Variants in VAV3 observed in about 807,000 individuals in gnomAD.
The protein encoded by VAV3 is vav guanine nucleotide exchange factor 3, also known as guanine nucleotide exchange factor VAV3.
VAV3 carries 94 observed loss-of-function variants against 131.2 expected under a neutral mutation model. That is an observed-to-expected ratio of 0.72 (90% CI 0.61 to 0.85). The LOEUF is 0.85. Among genes scored for constraint, VAV3 ranks in the 40% least tolerant of loss-of-function variants. The pLI is 0.00. For missense variants in VAV3, 939 were observed against 1,002.7 expected, an observed-to-expected ratio of 0.94 and a Z score of 0.86; for synonymous variants, 349 against 342.0, an observed-to-expected ratio of 1.02 and a Z score of -0.22.
At chr1:107,633,796 A>G (rs1654696592) in intron 20 of VAV3, among the ~76,000 whole-genome samples, 1 of 152,122 alleles carries the variant, frequency 6.6e-6, no homozygotes, top group Non-Finnish European at 1.5e-5. Context: ...GCTGTGAGGA[A>G]GATAAGGAAC....
At chr1:107,639,345 A>G (rs1428156666) in intron 20 of VAV3, among the ~76,000 whole-genome samples, 3 of 151,990 alleles carry the variant, frequency 2.0e-5, no homozygotes, top group Non-Finnish European at 4.4e-5. Flanking sequence ...TCAAAGGTAA[A>G]AACTTCTGTT....
intron 20 of VAV3, among the ~76,000 whole-genome samples, chr1:107,640,279 C>T (rs1655247286): frequency 1.3e-5 from 2 of 152,112 alleles, no homozygotes; most frequent in Admixed American, 1.3e-4. Flanking sequence ...GAACGATAAT[C>T]AGCGATAAAA....
chr1:107,627,873 G>A (rs1218682657), intron 20 of VAV3, among the ~76,000 whole-genome samples: 2 of 152,148 alleles, frequency 1.3e-5, no homozygotes, highest in Non-Finnish European at 2.9e-5. Context: ...ACCTTATGGA[G>A]ATCACAACTC....
At chr1:107,747,074 A>G (rs1339370045) in intron 15 of VAV3, among the ~76,000 whole-genome samples, 1 of 152,032 alleles carries the variant, frequency 6.6e-6, no homozygotes, top group Non-Finnish European at 1.5e-5. Context: ...GAGATGGGGT[A>G]TCACTATGTT....
At chr1:107,642,164 A>C (rs1157040777) in intron 20 of VAV3, among the ~76,000 whole-genome samples, 3 of 152,132 alleles carry the variant, frequency 2.0e-5, no homozygotes, top group East Asian at 1.9e-4. Context: ...CTGACAATTA[A>C]GGCATTCTAA....
At chr1:107,787,165 G>A (rs759764590) in intron 2 of VAV3, among the ~76,000 whole-genome samples, 11 of 152,132 alleles carry the variant, frequency 7.2e-5, no homozygotes, top group Non-Finnish European at 1.0e-4. Context: ...ACAACTAATA[G>A]TAGCAGGGTT....
intron 1 of VAV3, among the ~76,000 whole-genome samples, chr1:107,907,890 A>G (rs866027259): frequency 2.0e-4 from 30 of 152,324 alleles, no homozygotes; most frequent in African/African-American, 7.2e-4. Context: ...ACAAACATAG[A>G]CAGTAACAGA....
At chr1:107,817,396 G>A (rs982721449) in intron 2 of VAV3, among the ~76,000 whole-genome samples, 1 of 152,024 alleles carries the variant, frequency 6.6e-6, no homozygotes, top group African/African-American at 2.4e-5. Context: ...ATCAACCACA[G>A]CAAGGCTGAG....
At position 107,585,360 on chromosome 1, in the gene VAV3, G is replaced by GT. The variant is rs201349042; in HGVS notation, c.2350+10851dup. On this transcript the variant is annotated intron_variant, in intron 25 of 26. Transcript: ENST00000370056. ...GCCTACTCTGTCATCTATTTTCATG[G>GT]TTTTTTTTATTATAATACAGAAACT... Among the ~76,000 whole-genome samples the GT allele has an allele frequency of 6.7e-3, 1,021 of 151,914 alleles. 11 individuals carry two copies. Among genetic ancestry groups the GT allele is most frequent in the African/African-American group, 0.022 (901 of 41,424 alleles).
chr1:107,866,474 TCCCA>T (rs1461426023), intron 2 of VAV3, among the ~76,000 whole-genome samples: 6 of 151,970 alleles, frequency 3.9e-5, no homozygotes, highest in African/African-American at 1.5e-4. Flanking sequence ...ATTTCAATAA[TCCCA>T]GTGATGAGTA....
In VAV3 at chr1:107,837,461, C is replaced by T. The variant is rs374408802; in HGVS notation, c.321+37440G>A. ...AGTATCATTAAAATGGCCATACTGT[C>T]CAAAGCAATTTACAGATTCAACACT... On this transcript the variant is annotated intron_variant, in intron 2 of 26. Coordinates refer to ENST00000370056, the MANE Select transcript of VAV3 (RefSeq NM_006113.5). Among the ~76,000 whole-genome samples, 136 of 152,190 alleles carry T rather than the reference C, an allele frequency of 8.9e-4. 1 individual carries two copies. Among genetic ancestry groups the T allele is most frequent in the African/African-American group, 3.3e-3 (136 of 41,544 alleles).
At chr1:107,594,572 C>T (rs1651221642) in intron 25 of VAV3, among the ~76,000 whole-genome samples, 1 of 152,024 alleles carries the variant, frequency 6.6e-6, no homozygotes, top group Admixed American at 6.6e-5. Context: ...TATTCAAAGA[C>T]ATTCTACTGG....
chr1:107,728,654 G>GTATATGTATA (rs1240215320), intron 15 of VAV3, among the ~76,000 whole-genome samples: 1 of 68,650 alleles, frequency 1.5e-5, no homozygotes, highest in South Asian at 6.0e-4. Context: ...TATATGTATT[G>GTATATGTATA]TGTAAAACCG....
At chr1:107,959,534 G>T (rs888518577) in intron 1 of VAV3, among the ~76,000 whole-genome samples, 1 of 151,878 alleles carries the variant, frequency 6.6e-6, no homozygotes, top group African/African-American at 2.4e-5. Flanking sequence ...ACATGTCATC[G>T]CTCCTCCCAA....
intron 25 of VAV3, among the ~76,000 whole-genome samples, chr1:107,584,339 T>C (rs564108587): frequency 2.0e-5 from 3 of 152,270 alleles, no homozygotes; most frequent in African/African-American, 7.2e-5. Context: ...ATTCAGGACA[T>C]AGGCATGGGC....
chr1:107,635,217 A>G (rs1654823201), intron 20 of VAV3, among the ~76,000 whole-genome samples: 1 of 152,108 alleles, frequency 6.6e-6, no homozygotes. Flanking sequence ...CTTGGAACCA[A>G]CCCAAATGTC....
At chr1:107,736,700 A>G (rs1662660120) in intron 15 of VAV3, among the ~76,000 whole-genome samples, 1 of 151,746 alleles carries the variant, frequency 6.6e-6, no homozygotes, top group African/African-American at 2.4e-5. Flanking sequence ...CAACGAAATA[A>G]AAGAAGACAC....
At chr1:107,900,422 T>C (rs947096657) in intron 1 of VAV3, among the ~76,000 whole-genome samples, 1 of 152,240 alleles carries the variant, frequency 6.6e-6, no homozygotes, top group African/African-American at 2.4e-5. Flanking sequence ...AAATTGTTTT[T>C]AGGCCTTCAA....
intron 2 of VAV3, among the ~76,000 whole-genome samples, chr1:107,859,824 A>G (rs1223974183): frequency 6.6e-6 from 1 of 152,174 alleles, no homozygotes; most frequent in Admixed American, 6.5e-5. Context: ...CCTTTATTCA[A>G]TCATGTCAAA....
Sources: gnomAD v4.1 joint callset for allele counts (sites outside exome capture counted in the v4.1 genomes callset) on GRCh38, gnomAD v4.1.1 for gene constraint, MANE v1.5 for transcripts, NCBI Gene and HGNC (gene_info 2026-07-23, HGNC 2026-07-21) for gene names.